CORO2A: variants seen among roughly 807,000 people sequenced by gnomAD.
The protein encoded by CORO2A is coronin-2A.
Under a neutral mutation model 62.4 loss-of-function variants are expected in CORO2A, and 47 were observed. That is an observed-to-expected ratio of 0.75 (90% CI 0.60 to 0.96). The LOEUF (loss-of-function observed/expected upper bound fraction) is 0.96. CORO2A is among the 40% of genes least tolerant of loss of function. CORO2A has a pLI of 0.00. For synonymous variants in CORO2A, 273 were observed against 268.9 expected, an observed-to-expected ratio of 1.02 and a Z score of -0.15; for missense variants, 610 against 684.1, an observed-to-expected ratio of 0.89 and a Z score of 1.21.
chr9:98,133,737 A>G (rs1827444197), intron 4 of CORO2A, among the ~76,000 whole-genome samples: 1 of 151,956 alleles, frequency 6.6e-6, no homozygotes, highest in South Asian at 2.1e-4. Flanking sequence ...GCGAGGGCCC[A>G]GGTTCCCTCA....
chr9:98,140,635 G>A (rs1246632611), intron 2 of CORO2A, among the ~76,000 whole-genome samples: 3 of 152,110 alleles, frequency 2.0e-5, no homozygotes, highest in Admixed American at 2.0e-4. Context: ...TGTAGAGATG[G>A]GGTCTTGCTA....
rs117195204 is a variant in CORO2A at position 98,153,327 on chromosome 9, C to G, written c.201+4133G>C. On this transcript the variant is annotated intron_variant, in intron 2 of 11. Coordinates refer to ENST00000375077, the MANE Select transcript of CORO2A (RefSeq NM_052820.4). ...TGTTGGCCAGGCTGATGTCGAACTC[C>G]TGACTTCAAGTGATCTGCCCGTCTG... Among the ~76,000 whole-genome samples, 274 of 152,170 alleles carry G rather than the reference C, an allele frequency of 1.8e-3. 4 individuals are homozygous for G. In the East Asian group the frequency reaches 0.041, roughly 23 times the overall value.
rs1012640380 is a variant in CORO2A at position 98,124,805 on chromosome 9, T to C, written c.1547A>G (p.Lys516Arg). The C allele has an allele frequency of 6.2e-7, 1 of 1,611,876 alleles. No homozygotes were observed. The highest frequency in any genetic ancestry group is 8.5e-7 in the Non-Finnish European group (1 of 1,179,072). Residue 516 changes from lysine (K) to arginine (R), a missense_variant, in exon 12 of 12, where the codon AAA becomes AGA. Transcript: ENST00000375077. ...CTGCTCTGAGCCCATCCGCAAGTTT[T>C]TGATCTCCAGTTCCAACTGTTTGGC... ...VQAKQLELEIKNLRMGSEQL is the reference protein window; with the variant it reads ...VQAKQLELEIRNLRMGSEQL
rs375458218 is a variant in CORO2A, at chr9:98,126,816, G to A, written c.1179C>T (p.Ile393=). The part of the protein sequence containing the change: ...EWLSGMNRDP[I]LVSLRPGSEL... ...CAGAGCCAGGCCTAAGGGACACCAGGATTGGGTCTGGAAGGGAAGCAGAGC... is the reference window on the plus strand; with the variant it reads ...CAGAGCCAGGCCTAAGGGACACCAGAATTGGGTCTGGAAGGGAAGCAGAGC... The change falls in exon 11 of 12, where the codon ATC becomes ATT. Residue 393 remains isoleucine, a synonymous_variant. Coordinates refer to ENST00000375077, the MANE Select transcript of CORO2A (RefSeq NM_052820.4). 227 of 1,614,052 alleles carry A rather than the reference G, an allele frequency of 1.4e-4. No homozygotes were observed. Among genetic ancestry groups the A allele is most frequent in the Non-Finnish European group, 1.9e-4 (224 of 1,180,038 alleles).
chr9:98,132,511 A>G (rs573498938), intron 5 of CORO2A, among the ~76,000 whole-genome samples: 1 of 152,216 alleles, frequency 6.6e-6, no homozygotes, highest in East Asian at 1.9e-4. Context: ...GTTAAGAGTT[A>G]TTTTTCTGAG....
intron 10 of CORO2A, 92 bp downstream of exon 10, chr9:98,128,078 A>C: frequency 9.7e-7 from 1 of 1,032,870 alleles, no homozygotes; most frequent in South Asian, 1.5e-5. Flanking sequence ...AGAGAAGAAA[A>C]ATCCAGGCCC....
intron 2 of CORO2A, among the ~76,000 whole-genome samples, chr9:98,141,467 C>T (rs932126809): frequency 1.3e-5 from 2 of 151,978 alleles, no homozygotes; most frequent in African/African-American, 4.8e-5. Context: ...TTCTCCCTGC[C>T]TCGGCCTCCT....
At chr9:98,154,330 T>TATATATATATATATATAC (rs1827772144) in intron 2 of CORO2A, among the ~76,000 whole-genome samples, 4 of 68,430 alleles carry the variant, frequency 5.8e-5, no homozygotes, top group African/African-American at 3.8e-4. Flanking sequence ...TGTTTGTGTG[T>TATATATATATATATATAC]ATATATATAT....
At chr9:98,188,593 C>T (rs1458805867) in intron 1 of CORO2A, among the ~76,000 whole-genome samples, 1 of 151,994 alleles carries the variant, frequency 6.6e-6, no homozygotes, top group Non-Finnish European at 1.5e-5. Context: ...GGCGAAACAC[C>T]GTCTCTACTG....
intron 1 of CORO2A, among the ~76,000 whole-genome samples, chr9:98,183,496 G>T (rs1588016675): frequency 6.6e-6 from 1 of 152,328 alleles, no homozygotes; most frequent in East Asian, 1.9e-4. Context: ...TGTCAGACCG[G>T]CCTGAGTATT....
Position 98,121,182 on chromosome 9 carries a change from T to A in CORO2A, c.*3592A>T, listed in dbSNP as rs1827239488. ...TTTGATTTCTGACTTCCTGTTTCCT[T>A]CTATGATACAATCTCAAGTTTTGTT... On this transcript the variant is annotated 3_prime_UTR_variant, in exon 12 of 12. Transcript: ENST00000375077. 1 of 152,236 alleles carries A rather than the reference T, an allele frequency of 6.6e-6. No homozygotes were observed. The highest frequency in any genetic ancestry group is 1.5e-5 in the Non-Finnish European group (1 of 68,046). 9.4% of individuals were successfully genotyped at this position (152,236 alleles called of 1,614,324 possible). A position where few individuals can be genotyped will look rare whatever the true frequency, so the allele number is the denominator to read the frequency against.
intron 1 of CORO2A, among the ~76,000 whole-genome samples, chr9:98,185,312 C>T (rs958034349): frequency 4.6e-5 from 7 of 152,202 alleles, no homozygotes; most frequent in Admixed American, 4.6e-4. Context: ...ACTCCCCAAG[C>T]ATTAGAAAAA....
chr9:98,174,835 A>G (rs1350601626), intron 1 of CORO2A, among the ~76,000 whole-genome samples: 1 of 152,126 alleles, frequency 6.6e-6, no homozygotes, highest in Non-Finnish European at 1.5e-5. Context: ...ACCCAGTCTC[A>G]GGTATGTCAT....
rs745654180 is a variant in CORO2A, at chr9:98,133,113, G to T, written c.573C>A (p.Asn191Lys). 1 of 1,614,222 alleles carries T rather than the reference G, an allele frequency of 6.2e-7. No individual in the cohort carries two copies. The highest frequency in any genetic ancestry group is 1.7e-5 in the Admixed American group (1 of 60,026). ...TGCAGGTGGTGGCCAACAGGCTGCCGTTGGTGTTGAAGGACATGGAGAGGA... is the reference window on the plus strand; with the variant it reads ...TGCAGGTGGTGGCCAACAGGCTGCCTTTGGTGTTGAAGGACATGGAGAGGA... ...DVILSMSFNT[N>K]GSLLATTCKD... The change falls in exon 5 of 12, where the codon AAC becomes AAA. Residue 191 changes from asparagine to lysine, a missense_variant. Transcript: ENST00000375077.
chr9:98,170,782 G>A (rs1220001717), intron 1 of CORO2A, among the ~76,000 whole-genome samples: 1 of 152,072 alleles, frequency 6.6e-6, no homozygotes, highest in East Asian at 1.9e-4. Flanking sequence ...CCGTCACCTT[G>A]GGCAAATCTC....
chr9:98,137,804 T>A (rs1248903445), intron 2 of CORO2A, 116 bp from the exon 3 acceptor site: 2 of 796,210 alleles, frequency 2.5e-6, no homozygotes, highest in Non-Finnish European at 4.4e-6. Flanking sequence ...CAGAGCTGGG[T>A]GTGAATCTAG....
Position 98,169,503 on chromosome 9 carries a change from C to T in CORO2A, c.1-11843G>A, listed in dbSNP as rs371707565. Among the ~76,000 whole-genome samples the T allele has an allele frequency of 3.4e-4, 52 of 152,096 alleles. 1 individual carries two copies. In the East Asian group the frequency reaches 7.0e-3, roughly 21 times the overall value. ...CCTTCTCTCTTGGGGACTCAGGCCT[C>T]GCATATTCCACCCCCAACTCTGGCC... On this transcript the variant is annotated intron_variant, in intron 1 of 11. Coordinates refer to ENST00000375077, the MANE Select transcript of CORO2A (RefSeq NM_052820.4).
At chr9:98,167,684 G>C (rs1308971015) in intron 1 of CORO2A, among the ~76,000 whole-genome samples, 1 of 152,144 alleles carries the variant, frequency 6.6e-6, no homozygotes, top group Non-Finnish European at 1.5e-5. Context: ...AAAGCTGAGT[G>C]GGCACCTGAC....
chr9:98,175,516 T>A (rs1828096155), intron 1 of CORO2A, among the ~76,000 whole-genome samples: 1 of 152,220 alleles, frequency 6.6e-6, no homozygotes, highest in Non-Finnish European at 1.5e-5. Flanking sequence ...CCCCTTTTGC[T>A]GTGCGATGCT....
Sources: gnomAD v4.1 joint callset for allele counts (sites outside exome capture counted in the v4.1 genomes callset) on GRCh38, gnomAD v4.1.1 for gene constraint, MANE v1.5 for transcripts, NCBI Gene and HGNC (gene_info 2026-07-23, HGNC 2026-07-21) for gene names.